Variants in SLC22A3 observed in about 807,000 individuals in gnomAD.
SLC22A3 encodes the protein EMT organic cation transporter 3.
In SLC22A3, 51 loss-of-function variants were observed where a neutral mutation model predicts 59.1. The observed-to-expected ratio is 0.86, with a 90% CI of 0.69 to 1.09. The LOEUF (loss-of-function observed/expected upper bound fraction) is 1.09, where lower values mean the gene tolerates loss of function less well. SLC22A3 is among the 50% of genes least tolerant of loss of function. The probability of loss-of-function intolerance (pLI) is 0.00; values close to 1 mark genes in which losing one functional copy is unlikely to be tolerated. For synonymous variants in SLC22A3, 325 were observed against 292.0 expected, an observed-to-expected ratio of 1.11 and a Z score of -1.15; for missense variants, 711 against 726.3, an observed-to-expected ratio of 0.98 and a Z score of 0.24.
Position 160,437,100 on chromosome 6 carries a change from G to A in SLC22A3, c.1177G>A (p.Gly393Arg). Residue 393 changes from glycine (G) to arginine (R), a missense_variant, in exon 7 of 11, where the codon GGA becomes AGA. By Grantham distance (125) the Gly-to-Arg change is moderately radical. Transcript: ENST00000275300. The stretch of plus-strand genomic sequence containing the variant: ...CATCTCGGGCGTGGTGGAACTGCCA[G>A]GAGCTCTCTTGATCTTACTAACCAT... ...FFISGVVELP[G>R]ALLILLTIER... is the part of the protein sequence containing the mutation. 6.2e-7 allele frequency: 1 copy of A among 1,614,164 alleles called. No homozygotes were observed. Among genetic ancestry groups the A allele is most frequent in the Non-Finnish European group, 8.5e-7 (1 of 1,180,010 alleles).
In SLC22A3 at chr6:160,405,608, C is replaced by G. The variant is rs915287217; in HGVS notation, c.534-1433C>G. ...CAAAAAAGTTGAAAACTCATGTTCACCCAAAAACCTACACATACATGTTTA... is the reference window on the plus strand; with the variant it reads ...CAAAAAAGTTGAAAACTCATGTTCAGCCAAAAACCTACACATACATGTTTA... On this transcript the variant is annotated intron_variant, in intron 2 of 10. Coordinates refer to ENST00000275300, the MANE Select transcript of SLC22A3 (RefSeq NM_021977.4). Among the ~76,000 whole-genome samples the G allele has an allele frequency of 2.0e-5, 3 of 152,134 alleles. 1 individual carries two copies.
rs1483106756 is a variant in SLC22A3, at chr6:160,348,688, G to A, written c.269G>A (p.Cys90Tyr). 25 of 1,508,880 alleles carry A rather than the reference G, an allele frequency of 1.7e-5. No homozygotes were observed. The highest frequency in any genetic ancestry group is 2.1e-5 in the Non-Finnish European group (24 of 1,136,740). 93.5% of individuals were successfully genotyped at this position (1,508,880 alleles called of 1,614,324 possible). A position where few individuals can be genotyped will look rare whatever the true frequency, so the allele number is the denominator to read the frequency against. ...GPEPPERRGRCQRYLLEAAND... is the reference protein window; with the variant it reads ...GPEPPERRGRYQRYLLEAAND... ...GAGCCCCCCGAGCGCCGCGGCCGCT[G>A]CCAGCGCTACCTCCTGGAGGCGGCC... Residue 90 changes from cysteine to tyrosine, a missense_variant, in exon 1 of 11, where the codon TGC (cysteine) becomes TAC (tyrosine). By Grantham distance (194) the Cys-to-Tyr change is radical. Coordinates refer to ENST00000275300, the MANE Select transcript of SLC22A3 (RefSeq NM_021977.4).
intron 5 of SLC22A3, among the ~76,000 whole-genome samples, chr6:160,426,911 G>T (rs9457924): frequency 1.3e-3 from 201 of 152,204 alleles, no homozygotes; most frequent in African/African-American, 4.6e-3. Context: ...CGCACTAGTG[G>T]GACTTGTGGG....
At chr6:160,357,135 A>C (rs1358737261) in intron 1 of SLC22A3, among the ~76,000 whole-genome samples, 1 of 152,170 alleles carries the variant, frequency 6.6e-6, no homozygotes, top group Non-Finnish European at 1.5e-5. Flanking sequence ...TGGATGGAGG[A>C]AGGGTAGGCA....
At chr6:160,351,728 T>G (rs1297411165) in intron 1 of SLC22A3, among the ~76,000 whole-genome samples, 3 of 152,234 alleles carry the variant, frequency 2.0e-5, no homozygotes, top group Non-Finnish European at 4.4e-5. Context: ...GTGGGCGGGA[T>G]GACCAGACTC....
In SLC22A3 at chr6:160,451,946, C is replaced by T. The variant is rs755300793; in HGVS notation, c.*890C>T. ...TTGTGAGTTCAGTTCCGATGGTGCC[C>T]GTGGTCAAAAGCGAAAAACATGGAC... On this transcript the variant is annotated 3_prime_UTR_variant, in exon 11 of 11. Transcript: ENST00000275300. The T allele has an allele frequency of 3.9e-5, 6 of 152,050 alleles. No individual in the cohort carries two copies. Among genetic ancestry groups the T allele is most frequent in the African/African-American group, 7.3e-5 (3 of 41,376 alleles). 9.4% of individuals were successfully genotyped at this position (152,050 alleles called of 1,614,324 possible).
chr6:160,352,976 G>C (rs988641486), intron 1 of SLC22A3, among the ~76,000 whole-genome samples: 2 of 152,032 alleles, frequency 1.3e-5, no homozygotes, highest in Non-Finnish European at 2.9e-5. Context: ...ACCCGCCACC[G>C]CGCCTGGCTA....
chr6:160,429,655 G>T (rs577846180), intron 5 of SLC22A3, among the ~76,000 whole-genome samples: 1 of 152,306 alleles, frequency 6.6e-6, no homozygotes, highest in African/African-American at 2.4e-5. Context: ...TGTTCAGCAG[G>T]CTCCCAGGGG....
chr6:160,397,696 T>C (rs1786544925), intron 1 of SLC22A3, among the ~76,000 whole-genome samples: 1 of 138,300 alleles, frequency 7.2e-6, no homozygotes, highest in Non-Finnish European at 1.5e-5. Flanking sequence ...ATTGCTCCAC[T>C]ACACTTCAGT....
At chr6:160,442,680 G>A in intron 7 of SLC22A3, 81 bp from the exon 8 acceptor site, 1 of 1,059,704 alleles carries the variant, frequency 9.4e-7, no homozygotes, top group South Asian at 1.3e-5. Context: ...AGGCCACTAA[G>A]CAAATACTTT....
At chr6:160,364,101 G>A (rs916161688) in intron 1 of SLC22A3, among the ~76,000 whole-genome samples, 1 of 152,132 alleles carries the variant, frequency 6.6e-6, no homozygotes, top group East Asian at 1.9e-4. Context: ...AATAAATGTG[G>A]TGTAGCCATT....
intron 1 of SLC22A3, among the ~76,000 whole-genome samples, chr6:160,350,827 A>G (rs1784634646): frequency 6.6e-6 from 1 of 152,208 alleles, no homozygotes; most frequent in Non-Finnish European, 1.5e-5. Flanking sequence ...ACTAAAATGC[A>G]GTGTGGAATG....
chr6:160,447,902 TC>T, intron 10 of SLC22A3, 84 bp downstream of exon 10: 1 of 1,031,192 alleles, frequency 9.7e-7, no homozygotes, highest in Non-Finnish European at 1.5e-6. Context: ...AAATTGAATA[TC>T]CACAGGGAAA....
At chr6:160,400,925 G>T (rs1160224039) in intron 2 of SLC22A3, among the ~76,000 whole-genome samples, 1 of 148,062 alleles carries the variant, frequency 6.8e-6, no homozygotes, top group African/African-American at 2.5e-5. Flanking sequence ...AGGAGATTGG[G>T]CATAGCTGAG....
chr6:160,449,209 T>A (rs988401602), intron 10 of SLC22A3, among the ~76,000 whole-genome samples: 6 of 151,930 alleles, frequency 3.9e-5, no homozygotes, highest in African/African-American at 1.5e-4. Flanking sequence ...CTAGGAGAGG[T>A]TTTTTTGTTT....
chr6:160,363,035 T>A (rs1046375453), intron 1 of SLC22A3, among the ~76,000 whole-genome samples: 1 of 152,152 alleles, frequency 6.6e-6, no homozygotes. Context: ...TGGGCTGGGC[T>A]CCCGGGGACT....
chr6:160,366,595 G>C (rs1233878861), intron 1 of SLC22A3, among the ~76,000 whole-genome samples: 1 of 152,236 alleles, frequency 6.6e-6, no homozygotes, highest in African/African-American at 2.4e-5. Context: ...TAGGGACTCT[G>C]TCTGAGGGCT....
At chr6:160,371,153 C>T (rs1290782211) in intron 1 of SLC22A3, among the ~76,000 whole-genome samples, 1 of 152,192 alleles carries the variant, frequency 6.6e-6, no homozygotes, top group African/African-American at 2.4e-5. Flanking sequence ...CAACATGCCT[C>T]CCACCCAGGA....
At chr6:160,444,993 G>T (rs528644991) in intron 9 of SLC22A3, among the ~76,000 whole-genome samples, 1 of 152,366 alleles carries the variant, frequency 6.6e-6, no homozygotes, top group Non-Finnish European at 1.5e-5. Context: ...AAGTGCTACT[G>T]TCCAGCAAAG....
Sources: allele counts gnomAD v4.1 joint callset (sites outside exome capture counted in the v4.1 genomes callset), GRCh38; gene constraint gnomAD v4.1.1; transcripts MANE v1.5; gene names NCBI Gene and HGNC (gene_info 2026-07-23, HGNC 2026-07-21).